The following DLC1 variants were observed in gnomAD, a reference collection of about 807,000 sequenced individuals.
The protein encoded by DLC1 is rho GTPase-activating protein 7.
Under a neutral mutation model 140.3 loss-of-function variants are expected in DLC1, and 54 were observed. The observed-to-expected ratio is 0.38, with a 90% CI of 0.31 to 0.48. DLC1 has a LOEUF of 0.48. Among genes scored for constraint, DLC1 ranks in the 20% least tolerant of loss-of-function variants. The pLI is 0.96. For missense variants in DLC1, 2,536 were observed against 1,907.0 expected (o/e 1.33, Z -6.14); for synonymous variants, 986 against 728.1 (o/e 1.35, Z -5.70).
intron 5 of DLC1, chr8:13,276,401 C>G: frequency 3.4e-6 from 5 of 1,483,470 alleles, no homozygotes; most frequent in Non-Finnish European, 3.6e-6. Context: ...GGTCCCCCAT[C>G]CGCTCGCAGA....
intron 5 of DLC1, among the ~76,000 whole-genome samples, chr8:13,166,741 A>G (rs1443708622): frequency 7.8e-6 from 1 of 127,558 alleles, no homozygotes; most frequent in Non-Finnish European, 1.8e-5. Flanking sequence ...TTTTAGACAC[A>G]CCTCTGATCA....
At chr8:13,231,564 G>A (rs887786182) in intron 5 of DLC1, among the ~76,000 whole-genome samples, 1 of 152,190 alleles carries the variant, frequency 6.6e-6, no homozygotes, top group African/African-American at 2.4e-5. Flanking sequence ...CAAGCAAAGA[G>A]TTGAACTTTT....
chr8:13,390,439 A>C (rs1035448307), intron 4 of DLC1, among the ~76,000 whole-genome samples: 3 of 152,138 alleles, frequency 2.0e-5, no homozygotes, highest in African/African-American at 7.2e-5. Context: ...ATAAACATAC[A>C]TGTACATGTG....
intron 5 of DLC1, among the ~76,000 whole-genome samples, chr8:13,161,167 C>T (rs1012543398): frequency 1.3e-5 from 2 of 152,174 alleles, no homozygotes; most frequent in African/African-American, 4.8e-5. Context: ...TCTCTTTCCT[C>T]ACCCAAAATA....
intron 5 of DLC1, among the ~76,000 whole-genome samples, chr8:13,250,025 G>A (rs969365711): frequency 6.6e-5 from 10 of 152,088 alleles, no homozygotes; most frequent in South Asian, 2.1e-4. Flanking sequence ...CATCACTGAC[G>A]TCCCCTTGCT....
At chr8:13,263,031 A>G (rs946850714) in intron 5 of DLC1, among the ~76,000 whole-genome samples, 2 of 152,188 alleles carry the variant, frequency 1.3e-5, no homozygotes, top group African/African-American at 4.8e-5. Context: ...AGTAGAATAA[A>G]AATATATATT....
intron 5 of DLC1, among the ~76,000 whole-genome samples, chr8:13,173,689 C>T (rs1183194678): frequency 1.3e-5 from 2 of 152,018 alleles, no homozygotes; most frequent in Non-Finnish European, 2.9e-5. Context: ...CCCTTTTTTC[C>T]GCTACTAAAT....
intron 1 of DLC1, among the ~76,000 whole-genome samples, chr8:13,507,416 TAA>T (rs539111047): frequency 2.0e-5 from 3 of 152,232 alleles, no homozygotes; most frequent in Non-Finnish European, 2.9e-5. Context: ...CAACTTTCAG[TAA>T]AAAACAATTA....
In DLC1 at chr8:13,098,792, T is replaced by G. The variant is rs369211867; in HGVS notation, c.2991-217A>C. Among the ~76,000 whole-genome samples the G allele has an allele frequency of 2.7e-4, 41 of 152,220 alleles. 1 individual carries two copies. In the South Asian group the frequency reaches 8.5e-3, roughly 32 times the overall value. On this transcript the variant is annotated intron_variant, in intron 9 of 17. Coordinates refer to ENST00000276297, the MANE Select transcript of DLC1 (RefSeq NM_182643.3). ...CACCACATCTGACTCATTTTTTAAT[T>G]TTTTGTAGAGATAGAGTCTCCCTAT...
intron 1 of DLC1, among the ~76,000 whole-genome samples, chr8:13,546,031 G>T (rs1171052427): frequency 2.0e-5 from 3 of 152,068 alleles, no homozygotes; most frequent in African/African-American, 7.2e-5. Context: ...TAAAGAGAAT[G>T]GGGAAGTGGA....
At chr8:13,398,616 A>C (rs1837158060) in intron 3 of DLC1, among the ~76,000 whole-genome samples, 1 of 151,638 alleles carries the variant, frequency 6.6e-6, no homozygotes, top group African/African-American at 2.4e-5. Context: ...AAAAAAAAAA[A>C]AAAAAAAAAT....
chr8:13,142,015 C>G (rs971584723), intron 5 of DLC1, among the ~76,000 whole-genome samples: 1 of 152,198 alleles, frequency 6.6e-6, no homozygotes, highest in African/African-American at 2.4e-5. Flanking sequence ...TTTCTCCATG[C>G]TGTTCTCGTG....
At chr8:13,583,744 G>T (rs376496125) in intron 1 of DLC1, 1 of 152,262 alleles carries the variant, frequency 6.6e-6, no homozygotes, top group African/African-American at 2.4e-5. Context: ...TTAGAGAGTC[G>T]GTGTCTCTGA....
chr8:13,261,570 G>A (rs1830470385), intron 5 of DLC1, among the ~76,000 whole-genome samples: 1 of 152,132 alleles, frequency 6.6e-6, no homozygotes. Flanking sequence ...GAGGTGGGGA[G>A]GCCAGTTGAG....
In DLC1 at chr8:13,430,460, A is replaced by G. The variant is rs563493994; in HGVS notation, c.1024-28841T>C. ...AGACCTTTCATCTGTGATGGTTGTC[A>G]GGTGATGATTACATATTAGAGTCCA... On this transcript the variant is annotated intron_variant, in intron 2 of 17. Transcript: ENST00000276297. 2.4e-3 allele frequency among the ~76,000 whole-genome samples: 359 copies of G among 152,328 alleles called. 2 individuals are homozygous for G. Among genetic ancestry groups the G allele is most frequent in the African/African-American group, 8.2e-3 (339 of 41,574 alleles).
At chr8:13,305,755 T>A (rs1328343486) in intron 4 of DLC1, among the ~76,000 whole-genome samples, 2 of 152,314 alleles carry the variant, frequency 1.3e-5, no homozygotes, top group East Asian at 3.9e-4. Flanking sequence ...GAGAATCACC[T>A]GAGCCCAGGG....
intron 2 of DLC1, among the ~76,000 whole-genome samples, chr8:13,446,380 C>T (rs890925540): frequency 1.3e-5 from 2 of 152,130 alleles, no homozygotes; most frequent in African/African-American, 2.4e-5. Flanking sequence ...ATGTAAACAA[C>T]ACTCATTTCT....
intron 2 of DLC1, among the ~76,000 whole-genome samples, chr8:13,498,023 C>A (rs1246301854): frequency 6.6e-6 from 1 of 151,878 alleles, no homozygotes; most frequent in Admixed American, 6.6e-5. Flanking sequence ...TTTTCTCTCT[C>A]ATGGTAGATA....
chr8:13,143,880 G>T (rs1259892644), intron 5 of DLC1, among the ~76,000 whole-genome samples: 1 of 148,986 alleles, frequency 6.7e-6, no homozygotes, highest in African/African-American at 2.5e-5. Flanking sequence ...TTTTCCAGCC[G>T]TTTCAGCCCA....
Sources: allele counts gnomAD v4.1 joint callset (sites outside exome capture counted in the v4.1 genomes callset), GRCh38; gene constraint gnomAD v4.1.1; transcripts MANE v1.5; gene names NCBI Gene and HGNC (gene_info 2026-07-23, HGNC 2026-07-21).